Variants in UBE2QL1 observed in about 807,000 individuals in gnomAD.
UBE2QL1 encodes ubiquitin-conjugating enzyme E2Q-like protein 1.
A neutral mutation model predicts 12.6 loss-of-function variants in UBE2QL1; 5 were observed. That is an observed-to-expected ratio of 0.40 (90% confidence interval 0.21 to 0.83). UBE2QL1 has a LOEUF of 0.83. UBE2QL1 is among the 40% of genes least tolerant of loss of function. UBE2QL1 has a pLI of 0.37. For synonymous variants in UBE2QL1, 96 were observed against 94.5 expected (o/e 1.02, Z -0.10); for missense variants, 99 against 222.6 (o/e 0.44, Z 3.53).
At chr5:6,463,449 G>A (rs1239336571) in intron 1 of UBE2QL1, among the ~76,000 whole-genome samples, 1 of 151,936 alleles carries the variant, frequency 6.6e-6, no homozygotes, top group Admixed American at 6.6e-5. Flanking sequence ...GAACAGGGTG[G>A]TGGCCTCACT....
intron 1 of UBE2QL1, among the ~76,000 whole-genome samples, chr5:6,461,050 A>G (rs1739647625): frequency 6.6e-6 from 1 of 152,228 alleles, no homozygotes; most frequent in South Asian, 2.1e-4. Context: ...AATTACATGG[A>G]TCCTTTCTAA....
intron 1 of UBE2QL1, among the ~76,000 whole-genome samples, chr5:6,470,967 C>A (rs891443632): frequency 6.6e-6 from 1 of 152,206 alleles, no homozygotes; most frequent in Admixed American, 6.5e-5. Flanking sequence ...CTCTCCAACC[C>A]TGATGATTTC....
chr5:6,487,525 GTC>G (rs1409891251), intron 1 of UBE2QL1, among the ~76,000 whole-genome samples: 7 of 152,212 alleles, frequency 4.6e-5, no homozygotes, highest in Non-Finnish European at 7.3e-5. Context: ...TGAGTGAAGA[GTC>G]ACATCTATGC....
rs145763043 is a variant in UBE2QL1 at position 6,478,333 on chromosome 5, C to T, written c.355-12885C>T. On this transcript the variant is annotated intron_variant, in intron 1 of 1. Coordinates refer to ENST00000399816, the MANE Select transcript of UBE2QL1 (RefSeq NM_001145161.3). This position sits in a 1 kb window ranked among gnomAD's most constrained non-coding sequence, Gnocchi z 4.5. ...TTCTCTGTCATTGTAAGTAACATGG[C>T]TTGGAAAGAGACCACAGCCGTGAAC... 2.4e-3 allele frequency among the ~76,000 whole-genome samples: 369 copies of T among 152,316 alleles called. 1 individual carries two copies. Among genetic ancestry groups the T allele is most frequent in the African/African-American group, 8.6e-3 (356 of 41,562 alleles).
chr5:6,459,364 T>A (rs1739602626), intron 1 of UBE2QL1, among the ~76,000 whole-genome samples: 1 of 152,206 alleles, frequency 6.6e-6, no homozygotes, highest in Admixed American at 6.5e-5. Context: ...TAAGAGGGTA[T>A]CCTGGCATCT....
At chr5:6,489,860 G>A (rs142551238) in intron 1 of UBE2QL1, among the ~76,000 whole-genome samples, 1 of 152,342 alleles carries the variant, frequency 6.6e-6, no homozygotes, top group Non-Finnish European at 1.5e-5. Context: ...AGGAGCTGCT[G>A]GTGGGGAGGC....
rs1226099003 is a variant in UBE2QL1, at chr5:6,479,191, G to T, written c.355-12027G>T. ...CCTGCCGGAACAAGAGGGCGAAAGT[G>T]AGAATTAAGCCACCGAGAATGGGTG... is the stretch of plus-strand genomic sequence containing the variant. On this transcript the variant is annotated intron_variant, in intron 1 of 1. Coordinates refer to ENST00000399816, the MANE Select transcript of UBE2QL1 (RefSeq NM_001145161.3). This position sits in a 1 kb window ranked among gnomAD's most constrained non-coding sequence, Gnocchi z 4.2. Among the ~76,000 whole-genome samples, 2 of 152,088 alleles carry T rather than the reference G, an allele frequency of 1.3e-5. No homozygotes were observed. Among genetic ancestry groups the T allele is most frequent in the Admixed American group, 1.3e-4 (2 of 15,276 alleles).
At chr5:6,485,464 T>G (rs1489269492) in intron 1 of UBE2QL1, among the ~76,000 whole-genome samples, 1 of 152,346 alleles carries the variant, frequency 6.6e-6, no homozygotes, top group Admixed American at 6.5e-5. Flanking sequence ...GAAAGATGCT[T>G]GTAAGCATTG....
intron 1 of UBE2QL1, among the ~76,000 whole-genome samples, chr5:6,450,753 C>T (rs1223168766): frequency 6.6e-6 from 1 of 152,234 alleles, no homozygotes; most frequent in African/African-American, 2.4e-5. Flanking sequence ...CCTGCCAGTC[C>T]TTCTTTTCTA....
At chr5:6,463,351 G>A (rs1739713868) in intron 1 of UBE2QL1, among the ~76,000 whole-genome samples, 1 of 152,128 alleles carries the variant, frequency 6.6e-6, no homozygotes, top group African/African-American at 2.4e-5. Context: ...TTGGAGGATA[G>A]CAGTGAAAAG....
rs1370743482 is a variant in UBE2QL1 at position 6,495,509 on chromosome 5, G to A, written c.*4160G>A. On this transcript the variant is annotated 3_prime_UTR_variant, in exon 2 of 2. Coordinates refer to ENST00000399816, the MANE Select transcript of UBE2QL1 (RefSeq NM_001145161.3). ...GGAGCCACAAGGCCACTGCCTTACT[G>A]TGGCTTTCTGATCCTTTATGTTGCT... Among the ~76,000 whole-genome samples the A allele has an allele frequency of 2.0e-5, 3 of 152,176 alleles. No individual in the cohort carries two copies. Among genetic ancestry groups the A allele is most frequent in the Non-Finnish European group, 4.4e-5 (3 of 68,038 alleles).
chr5:6,475,206 A>C (rs1734206336), intron 1 of UBE2QL1, among the ~76,000 whole-genome samples: 1 of 152,242 alleles, frequency 6.6e-6, no homozygotes, highest in East Asian at 1.9e-4. Flanking sequence ...GTAATGACCT[A>C]AAAGTAATAA....
At chr5:6,451,222 A>G (rs1258361369) in intron 1 of UBE2QL1, among the ~76,000 whole-genome samples, 1 of 145,590 alleles carries the variant, frequency 6.9e-6, no homozygotes, top group Admixed American at 7.1e-5. Context: ...ATGCGAGAAA[A>G]CAAAGGTTTG....
chr5:6,483,677 T>C (rs939438418), intron 1 of UBE2QL1, among the ~76,000 whole-genome samples: 1 of 151,916 alleles, frequency 6.6e-6, no homozygotes, highest in Non-Finnish European at 1.5e-5. Flanking sequence ...TAAGAATGGG[T>C]TTCCCAGTGC....
At chr5:6,458,230 A>G (rs1339217989) in intron 1 of UBE2QL1, among the ~76,000 whole-genome samples, 1 of 152,194 alleles carries the variant, frequency 6.6e-6, no homozygotes, top group Non-Finnish European at 1.5e-5. Context: ...TCATCACAGT[A>G]TTTGGCAGGC....
chr5:6,482,430 T>G (rs1445154272), intron 1 of UBE2QL1, among the ~76,000 whole-genome samples: 1 of 152,146 alleles, frequency 6.6e-6, no homozygotes, highest in East Asian at 1.9e-4. Context: ...CACCCTCACG[T>G]GGCGTCTGCT....
chr5:6,461,002 C>T (rs185122478), intron 1 of UBE2QL1, among the ~76,000 whole-genome samples: 236 of 152,330 alleles, frequency 1.5e-3, no homozygotes, highest in African/African-American at 4.6e-3. Flanking sequence ...TGAACATCAA[C>T]TGTTTCAGTA....
At chr5:6,452,355 A>G (rs1038794339) in intron 1 of UBE2QL1, among the ~76,000 whole-genome samples, 4 of 152,038 alleles carry the variant, frequency 2.6e-5, no homozygotes, top group African/African-American at 9.7e-5. Flanking sequence ...TAATATATAA[A>G]TTTCCTCTAT....
intron 1 of UBE2QL1, among the ~76,000 whole-genome samples, chr5:6,477,402 G>A (rs993689033): frequency 1.4e-4 from 21 of 151,538 alleles, no homozygotes; most frequent in African/African-American, 5.1e-4. Flanking sequence ...GTGCCCGGAG[G>A]TCAGCCTGCT....
Sources: gnomAD v4.1 joint callset for allele counts (sites outside exome capture counted in the v4.1 genomes callset) on GRCh38, gnomAD v4.1.1 for gene constraint, Gnocchi (gnomAD v3.1) non-coding constraint, MANE v1.5 for transcripts, NCBI Gene and HGNC (gene_info 2026-07-23, HGNC 2026-07-21) for gene names.